The following GABRB2 variants were observed in gnomAD, a reference collection of about 807,000 sequenced individuals.
The protein encoded by GABRB2 is gamma-aminobutyric acid type A receptor subunit beta2, also known as gamma-aminobutyric acid receptor subunit beta-2.
GABRB2 carries 16 observed loss-of-function variants against 54.7 expected under a neutral mutation model. That is an observed-to-expected ratio of 0.29 (90% CI 0.20 to 0.44). The LOEUF (loss-of-function observed/expected upper bound fraction) is 0.44. Among genes scored for constraint, GABRB2 ranks in the 20% least tolerant of loss-of-function variants. GABRB2 has a pLI of 1.00. For missense variants in GABRB2, 355 were observed against 644.0 expected (o/e 0.55, Z 4.86); for synonymous variants, 244 against 233.8 (o/e 1.04, Z -0.40).
chr5:161,316,219 G>C (rs535678860), intron 9 of GABRB2, among the ~76,000 whole-genome samples: 1 of 152,194 alleles, frequency 6.6e-6, no homozygotes, highest in South Asian at 2.1e-4. Flanking sequence ...CACATATATG[G>C]CTCCTCAGAG....
At chr5:161,433,893 A>G (rs1433003379) in intron 4 of GABRB2, among the ~76,000 whole-genome samples, 1 of 152,136 alleles carries the variant, frequency 6.6e-6, no homozygotes, top group Non-Finnish European at 1.5e-5. Context: ...TCATCTGTCA[A>G]TCCTTTACAA....
intron 5 of GABRB2, among the ~76,000 whole-genome samples, chr5:161,380,356 A>C (rs1755427497): frequency 6.6e-6 from 1 of 152,128 alleles, no homozygotes. Context: ...CAACTTTATT[A>C]TTTTATGAAA....
chr5:161,529,951 G>A (rs1376032608), intron 3 of GABRB2, among the ~76,000 whole-genome samples: 1 of 152,004 alleles, frequency 6.6e-6, no homozygotes, highest in Non-Finnish European at 1.5e-5. Context: ...CAGCTACAAT[G>A]TAAAATAGGC....
intron 3 of GABRB2, 136 bp downstream of exon 3, chr5:161,545,091 G>T: frequency 1.8e-6 from 1 of 556,764 alleles, no homozygotes; most frequent in Non-Finnish European, 3.2e-6. Context: ...GGGTATTCTA[G>T]GGTGAAATTC....
intron 4 of GABRB2, chr5:161,459,353 G>A: frequency 6.6e-6 from 3 of 453,410 alleles, no homozygotes; most frequent in Non-Finnish European, 1.2e-5. Flanking sequence ...CAGCTATTTT[G>A]ATATTCTTTA....
intron 4 of GABRB2, among the ~76,000 whole-genome samples, chr5:161,436,905 A>G (rs1757327860): frequency 6.6e-6 from 1 of 151,930 alleles, no homozygotes; most frequent in African/African-American, 2.4e-5. Context: ...ACCAGACCAA[A>G]CTCAGCTGAT....
intron 3 of GABRB2, among the ~76,000 whole-genome samples, chr5:161,471,113 G>C (rs1315156307): frequency 2.0e-5 from 3 of 151,914 alleles, no homozygotes; most frequent in Non-Finnish European, 4.4e-5. Flanking sequence ...AGCTACTGGT[G>C]ATCTCTCAGT....
At chr5:161,375,275 C>T (rs1199550741) in intron 5 of GABRB2, among the ~76,000 whole-genome samples, 3 of 152,124 alleles carry the variant, frequency 2.0e-5, no homozygotes, top group Non-Finnish European at 4.4e-5. Flanking sequence ...GGCCAGGGGA[C>T]TAAATCTTAT....
chr5:161,402,336 G>T (rs950889122), intron 5 of GABRB2, among the ~76,000 whole-genome samples: 2 of 152,026 alleles, frequency 1.3e-5, no homozygotes, highest in Non-Finnish European at 2.9e-5. Flanking sequence ...TTTAAATGAG[G>T]TTAAATATTG....
At chr5:161,377,546 G>A (rs17520654) in intron 5 of GABRB2, among the ~76,000 whole-genome samples, 2,918 of 151,432 alleles carry the variant, frequency 0.019, 37 homozygotes, top group Middle Eastern at 0.082. Flanking sequence ...TGACTTGAAG[G>A]TTTTATAAAA....
At chr5:161,357,294 G>A (rs915031328) in intron 5 of GABRB2, among the ~76,000 whole-genome samples, 11 of 152,108 alleles carry the variant, frequency 7.2e-5, no homozygotes, top group Non-Finnish European at 1.3e-4. Flanking sequence ...AAAGGCATCC[G>A]AGGTAGAGAG....
chr5:161,423,554 T>C (rs779021560), intron 4 of GABRB2, among the ~76,000 whole-genome samples: 36 of 152,294 alleles, frequency 2.4e-4, no homozygotes, highest in Middle Eastern at 3.4e-3. Context: ...ATTGTAATTG[T>C]TTTGGGGAGC....
At chr5:161,332,293 A>G (rs1193071921) in intron 7 of GABRB2, among the ~76,000 whole-genome samples, 2 of 152,208 alleles carry the variant, frequency 1.3e-5, no homozygotes, top group East Asian at 3.8e-4. Flanking sequence ...TATACAGGCA[A>G]TATCAATAAA....
At chr5:161,394,081 TA>T (rs772886468) in intron 5 of GABRB2, among the ~76,000 whole-genome samples, 4 of 152,016 alleles carry the variant, frequency 2.6e-5, no homozygotes, top group Non-Finnish European at 5.9e-5. Flanking sequence ...GGAAAACGCC[TA>T]CTAACTGGAA....
chr5:161,339,017 G>T (rs953589223), intron 5 of GABRB2, among the ~76,000 whole-genome samples: 1 of 151,966 alleles, frequency 6.6e-6, no homozygotes, highest in Non-Finnish European at 1.5e-5. Context: ...TCAGTCTGAG[G>T]CTCCATGTCA....
At chr5:161,429,843 T>C (rs1757125036) in intron 4 of GABRB2, among the ~76,000 whole-genome samples, 2 of 151,772 alleles carry the variant, frequency 1.3e-5, no homozygotes, top group Admixed American at 6.6e-5. Context: ...AAGGGAATGG[T>C]GGGGAATGTG....
At chr5:161,395,055 T>C (rs1755954357) in intron 5 of GABRB2, among the ~76,000 whole-genome samples, 1 of 152,144 alleles carries the variant, frequency 6.6e-6, no homozygotes. Flanking sequence ...AGGTTTATCA[T>C]TAAAAATTAA....
intron 3 of GABRB2, among the ~76,000 whole-genome samples, chr5:161,541,490 T>G (rs1760815683): frequency 6.6e-6 from 1 of 152,260 alleles, no homozygotes; most frequent in African/African-American, 2.4e-5. Context: ...AAGTCTTTTG[T>G]GCAGAATAGC....
At chr5:161,464,214 T>G (rs894483493) in intron 3 of GABRB2, among the ~76,000 whole-genome samples, 2 of 152,030 alleles carry the variant, frequency 1.3e-5, no homozygotes, top group Admixed American at 1.3e-4. Flanking sequence ...GACAAACAAC[T>G]TATATCCATA....
Sources: gnomAD v4.1 joint callset for allele counts (sites outside exome capture counted in the v4.1 genomes callset) on GRCh38, gnomAD v4.1.1 for gene constraint, MANE v1.5 for transcripts, NCBI Gene and HGNC (gene_info 2026-07-23, HGNC 2026-07-21) for gene names.